TMEM260: variants seen among roughly 807,000 people sequenced by gnomAD.
TMEM260 encodes protein O-mannosyl-transferase TMEM260.
TMEM260 carries 82 observed loss-of-function variants against 88.9 expected under a neutral mutation model. The ratio of observed to expected loss-of-function variants is 0.92; its 90% CI spans 0.77 to 1.11. TMEM260 has a LOEUF of 1.11. Ranked by LOEUF, TMEM260 falls within the 50% of genes least tolerant of loss-of-function variation. The pLI, the probability that TMEM260 is intolerant of heterozygous loss-of-function variation, is 0.00. For missense variants in TMEM260, 902 were observed against 853.4 expected (o/e 1.06, Z -0.71); for synonymous variants, 314 against 309.3 (o/e 1.02, Z -0.16).
In TMEM260 at chr14:56,633,163, A is replaced by G. The variant is rs769795366; in HGVS notation, c.1716A>G (p.Glu572=). 1.3e-5 allele frequency: 21 copies of G among 1,611,204 alleles called. No individual in the cohort carries two copies. Among genetic ancestry groups the G allele is most frequent in the Non-Finnish European group, 1.6e-5 (19 of 1,178,750 alleles). Residue 572 remains glutamate, a synonymous_variant, in exon 13 of 16, where the codon GAA becomes GAG. Transcript: ENST00000261556. Reference sequence around the variant, plus strand: ...AAAGTATCTATAACTGGACCGAAGAATATGGAAGGTATGAACAGCAGTTGT... The same window carrying G: ...AAAGTATCTATAACTGGACCGAAGAGTATGGAAGGTATGAACAGCAGTTGT... The part of the protein sequence containing the change: ...LTKSIYNWTE[E]YGRFDPSSWE...
chr14:56,603,273 G>C (rs1335088326), intron 3 of TMEM260, among the ~76,000 whole-genome samples: 2 of 151,950 alleles, frequency 1.3e-5, no homozygotes, highest in Admixed American at 1.3e-4. Context: ...CCCTTGCAAA[G>C]TAAGAAATGC....
chr14:56,656,706 A>G, the TMEM260 span, among the ~76,000 whole-genome samples: 1 of 152,146 alleles, frequency 6.6e-6, no homozygotes, highest in East Asian at 1.9e-4. Context: ...TCTTTACTAA[A>G]TATGCATCTG....
At chr14:56,655,386 CA>C (rs113654913), downstream of TMEM260, among the ~76,000 whole-genome samples, 3,748 of 94,366 alleles carry the variant, frequency 0.04, 48 homozygotes, top group Non-Finnish European at 0.052. Flanking sequence ...GACTCCATCT[CA>C]AAAAAAAAAA....
In TMEM260 at chr14:56,580,080, G is replaced by T; in HGVS notation, c.160+6G>T. On this transcript the variant is annotated splice_donor_region_variant and intron_variant, in intron 1 of 15. Transcript: ENST00000261556. ...GGTACCGGGGGGAGACTCCGGTAAA[G>T]TACTCGCAGGGTTGCCCCTTCTGTC... The T allele has an allele frequency of 8.0e-7, 1 of 1,251,094 alleles. No individual in the cohort carries two copies. The highest frequency in any genetic ancestry group is 1.0e-6 in the Non-Finnish European group (1 of 989,850). The allele number at this position is 1,251,094 out of a possible 1,614,324, so 77.5% of individuals were successfully genotyped here. A position where few individuals can be genotyped will look rare whatever the true frequency, so the allele number is the denominator to read the frequency against.
rs1325107772 is a variant in TMEM260 at position 56,633,068 on chromosome 14, T to TG, written c.1626dup (p.Ser543ValfsTer3). The TG allele has an allele frequency of 4.3e-6, 7 of 1,613,814 alleles. No individual in the cohort carries two copies. Among genetic ancestry groups the TG allele is most frequent in the Non-Finnish European group, 5.9e-6 (7 of 1,179,900 alleles). On this transcript the variant is annotated frameshift_variant, in exon 13 of 16. Coordinates refer to ENST00000261556, the MANE Select transcript of TMEM260 (RefSeq NM_017799.4). LOFTEE classifies it high-confidence loss of function. ...GAAAAAGAACTATTCACTTTGGCCA[T>TG]GGGGGTCTTGTGACAAATTAGTTCC...
chr14:56,584,240 G>A (rs1295591907), intron 1 of TMEM260, among the ~76,000 whole-genome samples: 1 of 152,092 alleles, frequency 6.6e-6, no homozygotes, highest in African/African-American at 2.4e-5. Context: ...ATAGGTACTA[G>A]TAACTTTCAT....
intron 14 of TMEM260, 82 bp downstream of exon 14, chr14:56,635,034 T>C (rs1172546141): frequency 8.7e-7 from 1 of 1,150,778 alleles, no homozygotes; most frequent in East Asian, 2.3e-5. Flanking sequence ...ATTTTGAGAG[T>C]AGGGGTGAGT....
intron 2 of TMEM260, 176 bp from the exon 3 acceptor site, chr14:56,585,585 A>G: frequency 1.7e-6 from 1 of 597,312 alleles, no homozygotes; most frequent in Admixed American, 3.6e-5. Flanking sequence ...CACTAAAGAA[A>G]ATATTTATTT....
intron 3 of TMEM260, among the ~76,000 whole-genome samples, chr14:56,596,408 A>ATGTG (rs1426010943): frequency 5.4e-5 from 5 of 92,028 alleles, no homozygotes; most frequent in Admixed American, 2.3e-4. Flanking sequence ...GTGTGTGTGT[A>ATGTG]TATATATATA....
chr14:56,643,026 T>C (rs568104213), intron 15 of TMEM260, among the ~76,000 whole-genome samples: 1 of 152,198 alleles, frequency 6.6e-6, no homozygotes, highest in African/African-American at 2.4e-5. Context: ...AATTAATAGC[T>C]TACCAACCAA....
At position 56,647,389 on chromosome 14, in the gene TMEM260, T is replaced by C. The variant is rs142013186; in HGVS notation, c.2016T>C (p.Arg672=). 3.1e-6 allele frequency: 5 copies of C among 1,614,072 alleles called. No individual in the cohort carries two copies. Among genetic ancestry groups the C allele is most frequent in the African/African-American group, 2.7e-5 (2 of 74,920 alleles). ...TATCGGAAACCATCAGACATTTCCG[T>C]CTGTACTCTCAGAAAGCACCGAATG... The part of the protein sequence containing the change: ...VLLSETIRHF[R]LYSQKAPNDP... Residue 672 remains arginine (R), a synonymous_variant, in exon 16 of 16, where the codon CGT becomes CGC. Coordinates refer to ENST00000261556, the MANE Select transcript of TMEM260 (RefSeq NM_017799.4).
chr14:56,647,146 T>C, intron 15 of TMEM260, 97 bp from the exon 16 acceptor site: 2 of 1,373,480 alleles, frequency 1.5e-6, no homozygotes, highest in African/African-American at 1.5e-5. Flanking sequence ...GCTTGAATTT[T>C]TTTTTCTTGT....
At chr14:56,628,615 T>G (rs902539689) in intron 12 of TMEM260, among the ~76,000 whole-genome samples, 1 of 152,146 alleles carries the variant, frequency 6.6e-6, no homozygotes, top group Non-Finnish European at 1.5e-5. Flanking sequence ...TACTTTTCGC[T>G]GTCTATACAA....
intron 15 of TMEM260, among the ~76,000 whole-genome samples, chr14:56,643,860 C>G (rs141557436): frequency 1.3e-5 from 2 of 152,224 alleles, no homozygotes; most frequent in African/African-American, 4.8e-5. Context: ...TTCTTATACA[C>G]CAGTAACAGA....
In TMEM260 at chr14:56,603,853, G is replaced by A. The variant is rs780984014; in HGVS notation, c.383G>A (p.Gly128Glu). The A allele has an allele frequency of 1.9e-6, 3 of 1,613,818 alleles. No homozygotes were observed. The Admixed American group carries it at 5.0e-5, about 27-fold the overall frequency. The change falls in exon 4 of 16, where the codon GGG becomes GAG. Residue 128 changes from glycine (G) to glutamate (E), a missense_variant. Coordinates refer to ENST00000261556, the MANE Select transcript of TMEM260 (RefSeq NM_017799.4). ...TCTGCTGGAGGAATCCTTGCTGCGG[G>A]GGTGTTTTCATTTTCTCGTCTAACA... ...GSSAGGILAA[G>E]VFSFSRLTWQ...
At chr14:56,640,254 G>A (rs1889477408) in intron 15 of TMEM260, among the ~76,000 whole-genome samples, 1 of 152,186 alleles carries the variant, frequency 6.6e-6, no homozygotes, top group Non-Finnish European at 1.5e-5. Flanking sequence ...CCCAGTAGGG[G>A]TGGACTGACA....
chr14:56,636,693 T>A (rs1594888096), intron 15 of TMEM260, 95 bp downstream of exon 15: 2 of 1,048,044 alleles, frequency 1.9e-6, no homozygotes, highest in Non-Finnish European at 2.8e-6. Flanking sequence ...CATTAGAATT[T>A]TTATTATTTT....
At chr14:56,613,490 CTGT>C (rs1371308183) in intron 7 of TMEM260, 3 of 152,128 alleles carry the variant, frequency 2.0e-5, no homozygotes, top group Non-Finnish European at 1.5e-5. Context: ...GAGATAACCA[CTGT>C]TATTAATCTG....
rs1194329661 is a variant in TMEM260 at position 56,593,749 on chromosome 14, G to A, written c.344+7837G>A. 3.5e-5 allele frequency among the ~76,000 whole-genome samples: 5 copies of A among 142,840 alleles called. No homozygotes were observed. In the South Asian group the frequency reaches 9.4e-4, roughly 27 times the overall value. The allele number at this position is 142,840 out of a possible 152,430, so 93.7% of individuals were successfully genotyped here. ...GTCGCCCAGGCTGGAGTGCAGTGGCGGAATCTCGGCTCACTGCAAGCTCCG... is the reference window on the plus strand; with the variant it reads ...GTCGCCCAGGCTGGAGTGCAGTGGCAGAATCTCGGCTCACTGCAAGCTCCG... On this transcript the variant is annotated intron_variant, in intron 3 of 15. Coordinates refer to ENST00000261556, the MANE Select transcript of TMEM260 (RefSeq NM_017799.4).
Sources: allele counts gnomAD v4.1 joint callset (sites outside exome capture counted in the v4.1 genomes callset), GRCh38; gene constraint gnomAD v4.1.1; transcripts MANE v1.5; gene names NCBI Gene and HGNC (gene_info 2026-07-23, HGNC 2026-07-21).